ODF2L: variants seen among roughly 807,000 people sequenced by gnomAD.
The protein encoded by ODF2L is protein BCAP.
Under a neutral mutation model 86.3 loss-of-function variants are expected in ODF2L, and 76 were observed. That is an observed-to-expected ratio of 0.88 (90% CI 0.73 to 1.07). ODF2L has a LOEUF of 1.07. ODF2L is among the 50% of genes least tolerant of loss of function. The pLI is 0.00. For synonymous variants in ODF2L, 241 were observed against 231.3 expected (o/e 1.04, Z -0.38); for missense variants, 748 against 717.4 (o/e 1.04, Z -0.49).
chr1:86,360,607 A>T (rs1570366032), intron 11 of ODF2L, 71 bp from the exon 11 acceptor site: 1 of 668,084 alleles, frequency 1.5e-6, no homozygotes, highest in East Asian at 2.8e-5. Flanking sequence ...GAATTATTAT[A>T]AAAACATAAC....
chr1:86,380,106 A>G (rs1660462015), intron 7 of ODF2L, among the ~76,000 whole-genome samples: 1 of 152,206 alleles, frequency 6.6e-6, no homozygotes, highest in African/African-American at 2.4e-5. Flanking sequence ...TTATCACAGA[A>G]TAAGTTTTAG....
At chr1:86,388,434 T>C (rs1283576365) in intron 1 of ODF2L, among the ~76,000 whole-genome samples, 1 of 152,090 alleles carries the variant, frequency 6.6e-6, no homozygotes, top group Non-Finnish European at 1.5e-5. Context: ...TTTGTCTCTC[T>C]GTGGACTGGA....
At chr1:86,394,252 C>T (rs543956926) in intron 1 of ODF2L, among the ~76,000 whole-genome samples, 1 of 152,162 alleles carries the variant, frequency 6.6e-6, no homozygotes, top group Non-Finnish European at 1.5e-5. Flanking sequence ...CGCATCTCTA[C>T]TAAAAATACA....
At position 86,356,392 on chromosome 1, in the gene ODF2L, C is replaced by A. The variant is rs1404755994; in HGVS notation, c.1518+52G>T. On this transcript the variant is annotated intron_variant, in intron 14 of 17. Coordinates refer to ENST00000317336, the Ensembl canonical transcript of ODF2L. ...AGTGCCCTCAACTGGTGAAATCATT[C>A]CAAAGCATTCTTTTAACGCATCTAG... The A allele has an allele frequency of 2.7e-6, 4 of 1,497,720 alleles. No individual in the cohort carries two copies. The African/African-American group carries it at 4.2e-5, about 16-fold the overall frequency. 92.8% of individuals were successfully genotyped at this position (1,497,720 alleles called of 1,614,324 possible).
chr1:86,383,118 G>A lies in ODF2L; in HGVS notation c.435+16C>T, dbSNP rs757663396. On this transcript the variant is annotated intron_variant, in intron 5 of 17. Coordinates refer to ENST00000317336, the Ensembl canonical transcript of ODF2L. The stretch of plus-strand genomic sequence containing the variant: ...GACAGGAAGAATGGACACAAAGTAA[G>A]TGTGGAAAGACTTACAGTATTTTCA... 4 of 1,508,266 alleles carry A rather than the reference G, an allele frequency of 2.7e-6. No homozygotes were observed. Among genetic ancestry groups the A allele is most frequent in the South Asian group, 2.3e-5 (2 of 85,714 alleles). 93.4% of individuals were successfully genotyped at this position (1,508,266 alleles called of 1,614,324 possible).
intron 10 of ODF2L, among the ~76,000 whole-genome samples, chr1:86,369,266 G>A (rs1303099856): frequency 6.6e-6 from 1 of 151,848 alleles, no homozygotes; most frequent in Non-Finnish European, 1.5e-5. Context: ...CAATGTCACT[G>A]CTAAAAAAAA....
At chr1:86,384,126 T>C (rs1486246208) in intron 4 of ODF2L, among the ~76,000 whole-genome samples, 2 of 151,920 alleles carry the variant, frequency 1.3e-5, no homozygotes, top group South Asian at 4.1e-4. Flanking sequence ...TAATATTAGA[T>C]AGTTTTTACA....
chr1:86,387,563 A>G (rs944902674), intron 1 of ODF2L, among the ~76,000 whole-genome samples: 1 of 152,220 alleles, frequency 6.6e-6, no homozygotes, highest in Non-Finnish European at 1.5e-5. Context: ...AGACTTTTCA[A>G]AATTAAATTC....
At chr1:86,362,505 G>A (rs1236406949) in intron 11 of ODF2L, among the ~76,000 whole-genome samples, 2 of 151,598 alleles carry the variant, frequency 1.3e-5, no homozygotes, top group Admixed American at 1.3e-4. Flanking sequence ...TGCCCAGAGT[G>A]AGCTCAAACT....
At chr1:86,371,242 G>A in intron 9 of ODF2L, 89 bp from the exon 10 acceptor site, 1 of 626,826 alleles carries the variant, frequency 1.6e-6, no homozygotes. Flanking sequence ...AATCACTTTG[G>A]CCGGGTGCAT....
At chr1:86,376,309 G>A (rs1171941278) in exon 8 of ODF2L, 1 of 1,611,544 alleles carries the variant, frequency 6.2e-7, no homozygotes, top group Admixed American at 1.7e-5. Context: ...AACTTTAGAT[G>A]CCTTTTTTAA....
At chr1:86,385,790 CAA>C in intron 2 of ODF2L, 200 bp from the exon 3 acceptor site, 2 of 411,076 alleles carry the variant, frequency 4.9e-6, no homozygotes, top group Non-Finnish European at 8.7e-6. Context: ...TACGTAATCA[CAA>C]AAGTTATTTG....
At chr1:86,358,135 A>G (rs1043070767) in intron 13 of ODF2L, 1 of 973,324 alleles carries the variant, frequency 1.0e-6, no homozygotes, top group African/African-American at 1.8e-5. Context: ...AGAGAGAGTA[A>G]CCTTATTAGA....
chr1:86,360,349 T>G (rs1173675575), intron 12 of ODF2L, 77 bp downstream of exon 11: 5 of 675,336 alleles, frequency 7.4e-6, no homozygotes, highest in Non-Finnish European at 1.3e-5. Context: ...TCAGTTCTAT[T>G]TATTTAGATT....
At chr1:86,355,419 A>C (rs1174795875) in intron 14 of ODF2L, 1 of 1,362,850 alleles carries the variant, frequency 7.3e-7, no homozygotes, top group African/African-American at 1.5e-5. Flanking sequence ...TGATTCAAGG[A>C]AAAAATTTTT....
chr1:86,382,135 A>T (rs1391403259), intron 7 of ODF2L, 107 bp downstream of exon 7: 12 of 1,344,818 alleles, frequency 8.9e-6, no homozygotes, highest in Non-Finnish European at 1.2e-5. Context: ...CCATGTCAAC[A>T]ACTGTGTATT....
At chr1:86,365,415 G>C (rs1487562284) in intron 11 of ODF2L, among the ~76,000 whole-genome samples, 4 of 152,132 alleles carry the variant, frequency 2.6e-5, no homozygotes. Context: ...TGGATGGATG[G>C]AGGGAAGAAA....
intron 6 of ODF2L, 36 bp downstream of exon 6, chr1:86,382,895 T>A: frequency 4.9e-6 from 5 of 1,022,758 alleles, no homozygotes; most frequent in Non-Finnish European, 7.7e-6. Flanking sequence ...AATATTAATA[T>A]AATGAATTAA....
intron 11 of ODF2L, among the ~76,000 whole-genome samples, chr1:86,366,123 A>T (rs1659396463): frequency 6.6e-6 from 1 of 152,118 alleles, no homozygotes; most frequent in African/African-American, 2.4e-5. Context: ...GGCAAGAACC[A>T]TCCACATATC....
Sources: allele counts gnomAD v4.1 joint callset (sites outside exome capture counted in the v4.1 genomes callset), GRCh38; gene constraint gnomAD v4.1.1; transcripts MANE v1.5; gene names NCBI Gene and HGNC (gene_info 2026-07-23, HGNC 2026-07-21).